The following ETV6 variants were observed in gnomAD, a reference collection of about 807,000 sequenced individuals.
ETV6 encodes ETS variant transcription factor 6, also known as transcription factor ETV6.
A neutral mutation model predicts 51.1 loss-of-function variants in ETV6; 16 were observed. That is an observed-to-expected ratio of 0.31 (90% CI 0.21 to 0.48). The LOEUF is 0.48. Ranked by LOEUF, ETV6 falls within the 20% of genes least tolerant of loss-of-function variation. The pLI is 0.99. For synonymous variants in ETV6, 240 were observed against 224.1 expected (o/e 1.07, Z -0.64); for missense variants, 458 against 594.8 (o/e 0.77, Z 2.39).
chr12:11,858,115 A>G (rs1317426348), intron 4 of ETV6, among the ~76,000 whole-genome samples: 3 of 152,166 alleles, frequency 2.0e-5, no homozygotes, highest in African/African-American at 4.8e-5. Flanking sequence ...CACTTATTTC[A>G]TCATAAAAAG....
intron 4 of ETV6, among the ~76,000 whole-genome samples, chr12:11,860,576 C>A (rs952136023): frequency 2.5e-4 from 36 of 146,540 alleles, no homozygotes; most frequent in Non-Finnish European, 3.6e-4. Context: ...AAAAAAAAAA[C>A]AAAACAAAAG....
intron 1 of ETV6, among the ~76,000 whole-genome samples, chr12:11,744,978 A>G (rs1233832844): frequency 1.3e-5 from 2 of 152,118 alleles, no homozygotes; most frequent in Non-Finnish European, 2.9e-5. Context: ...ATGTTTTAAA[A>G]TGGGAACAAT....
chr12:11,719,707 A>C (rs1049061868), intron 1 of ETV6, among the ~76,000 whole-genome samples: 1 of 152,212 alleles, frequency 6.6e-6, no homozygotes, highest in African/African-American at 2.4e-5. Flanking sequence ...AATCTGAGAA[A>C]GGCAAGTCTG....
chr12:11,885,893 C>CT (rs555747733), intron 6 of ETV6, 33 bp from the exon 7 acceptor site: 5 of 1,514,786 alleles, frequency 3.3e-6, no homozygotes, highest in East Asian at 2.3e-5. Flanking sequence ...TGTCTTTGTG[C>CT]TTTTTTTCTC....
intron 2 of ETV6, among the ~76,000 whole-genome samples, chr12:11,796,600 T>C (rs1945679725): frequency 6.6e-6 from 1 of 152,168 alleles, no homozygotes; most frequent in South Asian, 2.1e-4. Context: ...CTCTTACTCT[T>C]ATACATCATC....
chr12:11,857,747 C>A (rs758692639), intron 4 of ETV6, among the ~76,000 whole-genome samples: 41 of 152,270 alleles, frequency 2.7e-4, no homozygotes, highest in Non-Finnish European at 4.6e-4. Flanking sequence ...ACCGGGAAAC[C>A]AGGTCCTAAC....
intron 2 of ETV6, among the ~76,000 whole-genome samples, chr12:11,764,803 C>G (rs999737110): frequency 1.3e-5 from 2 of 152,114 alleles, no homozygotes; most frequent in East Asian, 3.9e-4. Context: ...TTATTGAGTG[C>G]TTATGGTAGG....
chr12:11,700,803 G>A (rs980635869), intron 1 of ETV6, among the ~76,000 whole-genome samples: 3 of 152,148 alleles, frequency 2.0e-5, no homozygotes, highest in South Asian at 2.1e-4. Context: ...GGTGGAAGAT[G>A]CGGAGGAGGC....
chr12:11,801,636 C>A (rs1313920062), intron 2 of ETV6, among the ~76,000 whole-genome samples: 1 of 152,118 alleles, frequency 6.6e-6, no homozygotes, highest in Admixed American at 6.5e-5. Flanking sequence ...TTACGGTTTA[C>A]CAGTTTTCAT....
chr12:11,877,257 A>G (rs1167935539), intron 5 of ETV6, among the ~76,000 whole-genome samples: 1 of 150,892 alleles, frequency 6.6e-6, no homozygotes, highest in Non-Finnish European at 1.5e-5. Flanking sequence ...TTCCTCCCAC[A>G]GTGTTTAATG....
chr12:11,825,337 AAAG>A (rs1946136743), intron 2 of ETV6, among the ~76,000 whole-genome samples: 1 of 152,256 alleles, frequency 6.6e-6, no homozygotes, highest in Non-Finnish European at 1.5e-5. Flanking sequence ...GAAATTTTTT[AAAG>A]AAGAAACAAG....
intron 5 of ETV6, among the ~76,000 whole-genome samples, chr12:11,883,808 G>A (rs1947142947): frequency 6.6e-6 from 1 of 152,158 alleles, no homozygotes; most frequent in Admixed American, 6.5e-5. Context: ...CCTCCAAAAT[G>A]TGATAGAATG....
At chr12:11,699,900 A>G (rs1864946947) in intron 1 of ETV6, among the ~76,000 whole-genome samples, 1 of 152,054 alleles carries the variant, frequency 6.6e-6, no homozygotes, top group Non-Finnish European at 1.5e-5. Flanking sequence ...ACTGTTATGA[A>G]TTTGCCTTCC....
At position 11,869,384 on chromosome 12, in the gene ETV6, C is replaced by T. The variant is rs2136539183; in HGVS notation, c.464-40C>T. 3.2e-6 allele frequency: 5 copies of T among 1,563,276 alleles called. No individual in the cohort carries two copies. The highest frequency in any genetic ancestry group is 4.3e-6 in the Non-Finnish European group (5 of 1,152,554). ...CGCAGGGAGTTTCCTGTCCTGCCAA[C>T]TCACTGGGGTCTGTGATTGTCTTTC... On this transcript the variant is annotated intron_variant, in intron 4 of 7. Transcript: ENST00000396373. The surrounding 1 kb of genome is among the most constrained non-coding windows in gnomAD (Gnocchi z 5.0).
At chr12:11,727,937 A>G (rs1425104170) in intron 1 of ETV6, among the ~76,000 whole-genome samples, 1 of 152,116 alleles carries the variant, frequency 6.6e-6, no homozygotes, top group Non-Finnish European at 1.5e-5. Context: ...CTCCTGCCTC[A>G]GCCTCCCGAG....
At chr12:11,712,125 T>G (rs1391146286) in intron 1 of ETV6, among the ~76,000 whole-genome samples, 1 of 152,106 alleles carries the variant, frequency 6.6e-6, no homozygotes, top group African/African-American at 2.4e-5. Flanking sequence ...GTAAACATGC[T>G]CCCTTCACCC....
At chr12:11,805,165 G>C (rs1945811305) in intron 2 of ETV6, among the ~76,000 whole-genome samples, 1 of 152,192 alleles carries the variant, frequency 6.6e-6, no homozygotes. Flanking sequence ...CCTGCCTTCA[G>C]AGGCACTTGG....
intron 1 of ETV6, among the ~76,000 whole-genome samples, chr12:11,694,168 C>G (rs1323869107): frequency 6.6e-6 from 1 of 152,124 alleles, no homozygotes; most frequent in Non-Finnish European, 1.5e-5. Context: ...TATTTGTATT[C>G]TTGTAGCTAC....
chr12:11,857,047 C>G (rs1946642643), intron 4 of ETV6, among the ~76,000 whole-genome samples: 1 of 152,220 alleles, frequency 6.6e-6, no homozygotes. Context: ...TGTTAAGCAG[C>G]CTGGCACAAT....
Sources: allele counts gnomAD v4.1 joint callset (sites outside exome capture counted in the v4.1 genomes callset), GRCh38; gene constraint gnomAD v4.1.1; non-coding constraint Gnocchi (gnomAD v3.1); transcripts MANE v1.5; gene names NCBI Gene and HGNC (gene_info 2026-07-23, HGNC 2026-07-21).